RIN3: variants seen among roughly 807,000 people sequenced by gnomAD.
RIN3 encodes the protein RAB5 interacting protein 3.
A neutral mutation model predicts 76.3 loss-of-function variants in RIN3; 54 were observed. The observed-to-expected ratio is 0.71, with a 90% CI of 0.57 to 0.89. The LOEUF (loss-of-function observed/expected upper bound fraction) is 0.89. Ranked by LOEUF, RIN3 falls within the 40% of genes least tolerant of loss-of-function variation. The pLI is 0.00. For missense variants in RIN3, 1,256 were observed against 1,322.1 expected (o/e 0.95, Z 0.78); for synonymous variants, 576 against 564.0 (o/e 1.02, Z -0.30).
At chr14:92,575,444 T>C (rs1438882651) in intron 2 of RIN3, among the ~76,000 whole-genome samples, 2 of 152,166 alleles carry the variant, frequency 1.3e-5, no homozygotes, top group African/African-American at 4.8e-5. Context: ...GAATGGGTGC[T>C]CTATCCTGGT....
intron 4 of RIN3, among the ~76,000 whole-genome samples, chr14:92,629,521 C>T (rs1886485827): frequency 6.6e-6 from 1 of 152,204 alleles, no homozygotes; most frequent in Non-Finnish European, 1.5e-5. Flanking sequence ...AGTAAAGATA[C>T]AAAGTCATTT....
At chr14:92,663,368 G>A (rs1484511500) in intron 7 of RIN3, among the ~76,000 whole-genome samples, 1 of 152,224 alleles carries the variant, frequency 6.6e-6, no homozygotes, top group Non-Finnish European at 1.5e-5. Flanking sequence ...TGCTGGAAAG[G>A]GCATGGCTGG....
chr14:92,650,220 C>T (rs764879674), intron 5 of RIN3, among the ~76,000 whole-genome samples: 1 of 152,196 alleles, frequency 6.6e-6, no homozygotes, highest in Non-Finnish European at 1.5e-5. Flanking sequence ...GAAGGAAGGC[C>T]GCCTAACACG....
At chr14:92,591,480 A>G (rs1884977388) in intron 3 of RIN3, among the ~76,000 whole-genome samples, 1 of 152,204 alleles carries the variant, frequency 6.6e-6, no homozygotes, top group Non-Finnish European at 1.5e-5. Flanking sequence ...ACCACAGGCT[A>G]GGAAGGTCAG....
intron 7 of RIN3, among the ~76,000 whole-genome samples, chr14:92,666,792 G>C (rs950786902): frequency 2.0e-5 from 3 of 152,014 alleles, no homozygotes; most frequent in African/African-American, 7.2e-5. Context: ...GGTGCAGTTT[G>C]GGAACCTTCT....
chr14:92,580,068 G>GC (rs1045783502), intron 3 of RIN3, among the ~76,000 whole-genome samples: 7 of 152,240 alleles, frequency 4.6e-5, no homozygotes, highest in African/African-American at 1.7e-4. Context: ...GAGACCCAGA[G>GC]CCCCACAGAA....
chr14:92,564,324 A>G (rs568313426), intron 2 of RIN3, among the ~76,000 whole-genome samples: 4 of 152,278 alleles, frequency 2.6e-5, no homozygotes, highest in African/African-American at 9.6e-5. Context: ...GGTCTTTCCA[A>G]AACTCACCTT....
intron 7 of RIN3, among the ~76,000 whole-genome samples, chr14:92,660,612 C>G (rs1053268259): frequency 6.6e-6 from 1 of 152,216 alleles, no homozygotes; most frequent in Non-Finnish European, 1.5e-5. Context: ...CAAGGCCCAT[C>G]GAGGCCTGGC....
At chr14:92,612,924 G>T (rs959126429) in intron 3 of RIN3, among the ~76,000 whole-genome samples, 1 of 152,248 alleles carries the variant, frequency 6.6e-6, no homozygotes, top group Non-Finnish European at 1.5e-5. Context: ...AGCCTTGTAA[G>T]GATGCTGTTT....
intron 3 of RIN3, among the ~76,000 whole-genome samples, chr14:92,614,930 G>A (rs183577518): frequency 3.9e-4 from 56 of 143,046 alleles, no homozygotes; most frequent in African/African-American, 1.4e-3. Context: ...TGCAACCTCC[G>A]CCTCCCGGGT....
In RIN3 at chr14:92,685,178, G is replaced by A; in HGVS notation, c.2631+28G>A. 1 of 1,563,850 alleles carries A rather than the reference G, an allele frequency of 6.4e-7. No homozygotes were observed. The highest frequency in any genetic ancestry group is 8.7e-7 in the Non-Finnish European group (1 of 1,149,550). ...GAGGCCTGAGAGCGGGAGGGGCCCG[G>A]TGGGGCCATGTCCCAGACACCATCC... On this transcript the variant is annotated intron_variant, in intron 9 of 9. Transcript: ENST00000216487. This position sits in a 1 kb window ranked among gnomAD's most constrained non-coding sequence, Gnocchi z 4.7.
At chr14:92,537,733 C>A (rs547884297) in intron 1 of RIN3, among the ~76,000 whole-genome samples, 6 of 150,514 alleles carry the variant, frequency 4.0e-5, no homozygotes, top group African/African-American at 1.2e-4. Context: ...CAGCCTCTGC[C>A]CCCCCGCCAC....
chr14:92,601,321 G>A (rs1054566722), intron 3 of RIN3, among the ~76,000 whole-genome samples: 6 of 152,204 alleles, frequency 3.9e-5, no homozygotes, highest in South Asian at 2.1e-4. Flanking sequence ...GTGAGGGCAC[G>A]GACTGCAGTG....
At chr14:92,554,325 C>T (rs1315263135) in intron 1 of RIN3, among the ~76,000 whole-genome samples, 5 of 152,226 alleles carry the variant, frequency 3.3e-5, no homozygotes, top group Non-Finnish European at 5.9e-5. Context: ...ATCCCTTAAA[C>T]CGGACAGAAC....
intron 3 of RIN3, among the ~76,000 whole-genome samples, chr14:92,579,819 G>T (rs1898378086): frequency 6.6e-6 from 1 of 152,262 alleles, no homozygotes; most frequent in African/African-American, 2.4e-5. Context: ...ATCACTTGCT[G>T]TGCAGTATAG....
At chr14:92,535,608 T>TAGA (rs1896979105) in intron 1 of RIN3, among the ~76,000 whole-genome samples, 1 of 151,788 alleles carries the variant, frequency 6.6e-6, no homozygotes, top group Non-Finnish European at 1.5e-5. Context: ...TACTTTCTTC[T>TAGA]AGAAGCTTTT....
intron 4 of RIN3, among the ~76,000 whole-genome samples, chr14:92,637,783 G>T (rs1048749587): frequency 5.9e-5 from 9 of 152,188 alleles, no homozygotes; most frequent in Non-Finnish European, 1.2e-4. Flanking sequence ...TAAAAAAAAT[G>T]TAGTAAGTGG....
chr14:92,600,320 C>T (rs935676454), intron 3 of RIN3, among the ~76,000 whole-genome samples: 1 of 152,188 alleles, frequency 6.6e-6, no homozygotes, highest in Admixed American at 6.5e-5. Flanking sequence ...CCCTAACACG[C>T]ACCCTCTTTG....
chr14:92,681,159 CTTTCCAGGGGCAGTGGGTT>C lies in RIN3; in HGVS notation c.2468-3821_2468-3803del, dbSNP rs1792992628. Among the ~76,000 whole-genome samples, 1 of 152,236 alleles carries C rather than the reference CTTTCCAGGGGCAGTGGGTT, an allele frequency of 6.6e-6. No homozygotes were observed. ...ACAGCTGGCCATGCCGGGCTGGTGT[CTTTCCAGGGGCAGTGGGTT>C]TTTCCAATCAACGCATTCGCCCCAG... On this transcript the variant is annotated intron_variant, in intron 8 of 9. Transcript: ENST00000216487. This position sits in a 1 kb window ranked among gnomAD's most constrained non-coding sequence, Gnocchi z 4.7.
Sources: allele counts gnomAD v4.1 joint callset (sites outside exome capture counted in the v4.1 genomes callset), GRCh38; gene constraint gnomAD v4.1.1; non-coding constraint Gnocchi (gnomAD v3.1); transcripts MANE v1.5; gene names NCBI Gene and HGNC (gene_info 2026-07-23, HGNC 2026-07-21).